The following PRIM2 variants were observed in gnomAD, a reference collection of about 807,000 sequenced individuals.
PRIM2 encodes the protein DNA primase subunit 2, also known as DNA primase large subunit.
A neutral mutation model predicts 67.3 loss-of-function variants in PRIM2; 39 were observed. The observed-to-expected ratio is 0.58, with a 90% CI of 0.45 to 0.76. PRIM2 has a LOEUF of 0.76. Ranked by LOEUF, PRIM2 falls within the 30% of genes least tolerant of loss-of-function variation. The pLI, the probability that PRIM2 is intolerant of heterozygous loss-of-function variation, is 0.00. For synonymous variants in PRIM2, 143 were observed against 198.7 expected (o/e 0.72, Z 2.36); for missense variants, 398 against 598.7 (o/e 0.66, Z 3.50).
chr6:57,341,720 A>G (rs1222605922), intron 5 of PRIM2, among the ~76,000 whole-genome samples: 1 of 152,202 alleles, frequency 6.6e-6, no homozygotes, highest in African/African-American at 2.4e-5. Flanking sequence ...ACTCATGACA[A>G]AGCAAGGTTT....
intron 7 of PRIM2, among the ~76,000 whole-genome samples, chr6:57,473,758 T>C (rs1244156985): frequency 1.3e-5 from 2 of 152,138 alleles, no homozygotes; most frequent in Non-Finnish European, 2.9e-5. Flanking sequence ...CTGGCAACCC[T>C]CTTAAGTTTT....
chr6:57,628,480 T>C (rs1326885453), intron 12 of PRIM2, among the ~76,000 whole-genome samples: 1 of 152,244 alleles, frequency 6.6e-6, no homozygotes, highest in Non-Finnish European at 1.5e-5. Context: ...CAGTTTTTTC[T>C]TAATACGTTT....
At chr6:57,560,161 TC>T (rs1479932497) in intron 10 of PRIM2, among the ~76,000 whole-genome samples, 19 of 152,192 alleles carry the variant, frequency 1.2e-4, no homozygotes, top group Non-Finnish European at 2.1e-4. Flanking sequence ...ATAACCTAAA[TC>T]TTTTGTTGTC....
At chr6:57,552,154 G>A (rs1183361486) in intron 10 of PRIM2, among the ~76,000 whole-genome samples, 1 of 152,206 alleles carries the variant, frequency 6.6e-6, no homozygotes, top group Non-Finnish European at 1.5e-5. Context: ...ACCAGCACAA[G>A]CTGAGGCCAA....
At chr6:57,588,023 C>T (rs1776225718) in intron 10 of PRIM2, among the ~76,000 whole-genome samples, 1 of 152,012 alleles carries the variant, frequency 6.6e-6, no homozygotes, top group African/African-American at 2.4e-5. Flanking sequence ...ATCGCATATA[C>T]CTTAGATAAT....
At chr6:57,614,844 T>C (rs1233118872) in intron 12 of PRIM2, among the ~76,000 whole-genome samples, 63 of 152,224 alleles carry the variant, frequency 4.1e-4, no homozygotes, top group African/African-American at 1.5e-3. Context: ...AGCGAGACTC[T>C]GTCTCAAATA....
intron 8 of PRIM2, among the ~76,000 whole-genome samples, chr6:57,518,030 A>G (rs1774522557): frequency 6.6e-6 from 1 of 152,154 alleles, no homozygotes. Flanking sequence ...CTCAGAGTAA[A>G]CACAAAACAA....
At chr6:57,434,674 T>C (rs1417922708) in intron 7 of PRIM2, among the ~76,000 whole-genome samples, 1 of 152,204 alleles carries the variant, frequency 6.6e-6, no homozygotes, top group East Asian at 1.9e-4. Context: ...CTTGACTGCC[T>C]TCTGCCATTT....
intron 5 of PRIM2, among the ~76,000 whole-genome samples, chr6:57,350,770 T>C (rs1481524919): frequency 2.0e-5 from 3 of 152,180 alleles, no homozygotes; most frequent in African/African-American, 7.2e-5. Flanking sequence ...ATCTCATTTT[T>C]TCTAACCACA....
intron 10 of PRIM2, among the ~76,000 whole-genome samples, chr6:57,578,435 T>C (rs1371113888): frequency 2.0e-5 from 3 of 152,166 alleles, no homozygotes; most frequent in Non-Finnish European, 4.4e-5. Context: ...TTTCCCCTAT[T>C]CCATCTACAT....
the PRIM2 span, among the ~76,000 whole-genome samples, chr6:57,306,653 G>A: frequency 2.6e-5 from 4 of 152,066 alleles, no homozygotes; most frequent in African/African-American, 9.7e-5. Flanking sequence ...TCAGCAGTCC[G>A]CGTCCTGAAA....
At chr6:57,534,309 C>T (rs1446283295) in intron 9 of PRIM2, among the ~76,000 whole-genome samples, 1 of 152,128 alleles carries the variant, frequency 6.6e-6, no homozygotes, top group Non-Finnish European at 1.5e-5. Flanking sequence ...ATTCGACCCC[C>T]TCCCCCCACA....
the PRIM2 span, among the ~76,000 whole-genome samples, chr6:57,231,561 T>C: frequency 6.6e-6 from 1 of 152,182 alleles, no homozygotes; most frequent in Admixed American, 6.5e-5. Flanking sequence ...TAATAGCCTA[T>C]TGACATGAGT....
intron 10 of PRIM2, among the ~76,000 whole-genome samples, chr6:57,586,211 T>C (rs1776184216): frequency 6.6e-6 from 1 of 152,148 alleles, no homozygotes; most frequent in Non-Finnish European, 1.5e-5. Flanking sequence ...AGCTAATAGG[T>C]TTGAGTTCCA....
chr6:57,556,036 A>T, intron 10 of PRIM2, among the ~76,000 whole-genome samples: 1 of 152,246 alleles, frequency 6.6e-6, no homozygotes, highest in African/African-American at 2.4e-5. Context: ...CAATGCCACC[A>T]TTCACAATTG....
intron 7 of PRIM2, among the ~76,000 whole-genome samples, chr6:57,389,833 TG>T (rs1167879114): frequency 2.5e-4 from 38 of 152,152 alleles, no homozygotes; most frequent in Non-Finnish European, 4.7e-4. Flanking sequence ...TTTTCTTGAA[TG>T]GTTACTTAGT....
intron 10 of PRIM2, among the ~76,000 whole-genome samples, chr6:57,573,230 C>T (rs1331993289): frequency 3.9e-5 from 6 of 152,152 alleles, no homozygotes; most frequent in Admixed American, 1.3e-4. Context: ...GTATTATTCC[C>T]GTAATTTTAC....
At chr6:57,331,242 A>G (rs1356158860) in intron 5 of PRIM2, among the ~76,000 whole-genome samples, 3 of 152,022 alleles carry the variant, frequency 2.0e-5, no homozygotes, top group African/African-American at 7.2e-5. Flanking sequence ...ATGTTACACC[A>G]ACCTTGCAAT....
At chr6:57,376,306 G>C (rs1769763029) in intron 5 of PRIM2, among the ~76,000 whole-genome samples, 1 of 152,136 alleles carries the variant, frequency 6.6e-6, no homozygotes, top group South Asian at 2.1e-4. Context: ...CAACTCCCAT[G>C]CCTGGCCATT....
Sources: gnomAD v4.1 joint callset for allele counts (sites outside exome capture counted in the v4.1 genomes callset) on GRCh38, gnomAD v4.1.1 for gene constraint, MANE v1.5 for transcripts, NCBI Gene and HGNC (gene_info 2026-07-23, HGNC 2026-07-21) for gene names.